Variants in UBQLN1 observed in about 807,000 individuals in gnomAD.
UBQLN1 encodes ubiquilin 1.
Under a neutral mutation model 65.4 loss-of-function variants are expected in UBQLN1, and 13 were observed. The ratio of observed to expected loss-of-function variants is 0.20; its 90% CI spans 0.13 to 0.32. UBQLN1 has a LOEUF of 0.32. Ranked by LOEUF, UBQLN1 falls within the 10% of genes least tolerant of loss-of-function variation. UBQLN1 has a pLI of 1.00. For synonymous variants in UBQLN1, 267 were observed against 247.8 expected, an observed-to-expected ratio of 1.08 and a Z score of -0.73; for missense variants, 561 against 724.0, an observed-to-expected ratio of 0.77 and a Z score of 2.58.
chr9:83,705,245 C>CTTTTTTTTTTTTTT (rs1564175219), intron 1 of UBQLN1, among the ~76,000 whole-genome samples: 1 of 40,044 alleles, frequency 2.5e-5, no homozygotes, highest in African/African-American at 2.1e-4. Context: ...AGCCAGCACT[C>CTTTTTTTTTTTTTT]CTTTTTTTTT....
In UBQLN1 at chr9:83,661,144, C is replaced by A. The variant is rs1831555728; in HGVS notation, c.*643G>T. The A allele has an allele frequency of 6.6e-6, 1 of 152,200 alleles. No individual in the cohort carries two copies. Among genetic ancestry groups the A allele is most frequent in the South Asian group, 2.1e-4 (1 of 4,826 alleles). 9.4% of individuals were successfully genotyped at this position (152,200 alleles called of 1,614,324 possible). A position where few individuals can be genotyped will look rare whatever the true frequency, so the allele number is the denominator to read the frequency against. On this transcript the variant is annotated 3_prime_UTR_variant, in exon 11 of 11. Transcript: ENST00000376395. ...CAAACCTGACTAACCGGCACTTTTG[C>A]TGGGAGATGTTTGTCAAAGATGCTG...
chr9:83,683,256 CA>C (rs1300645869), intron 2 of UBQLN1, among the ~76,000 whole-genome samples, 190 bp from the exon 3 acceptor site: 2 of 151,956 alleles, frequency 1.3e-5, no homozygotes, highest in African/African-American at 4.8e-5. Flanking sequence ...ACTAAACATA[CA>C]AAAAATTAGC....
chr9:83,679,058 C>T (rs1232786402), intron 4 of UBQLN1, among the ~76,000 whole-genome samples: 3 of 152,150 alleles, frequency 2.0e-5, no homozygotes, highest in Non-Finnish European at 4.4e-5. Context: ...CTGCACTATG[C>T]CCCAGCAGAC....
chr9:83,686,552 G>A (rs1832043243), intron 1 of UBQLN1, among the ~76,000 whole-genome samples: 1 of 152,084 alleles, frequency 6.6e-6, no homozygotes, highest in East Asian at 1.9e-4. Context: ...CCTCTGCTAA[G>A]GCCTAACAAT....
chr9:83,674,450 T>C (rs780060525), intron 6 of UBQLN1, among the ~76,000 whole-genome samples: 3 of 152,316 alleles, frequency 2.0e-5, no homozygotes, highest in African/African-American at 4.8e-5. Context: ...TATCTCATCA[T>C]AGCCACTTTT....
In UBQLN1 at chr9:83,678,617, A is replaced by C. The variant is rs113354995; in HGVS notation, c.712-18T>G. On this transcript the variant is annotated intron_variant, in intron 4 of 10. Transcript: ENST00000376395. The stretch of plus-strand genomic sequence containing the variant: ...TCCAACGTCTACGAAAAATATTTCC[A>C]AAAAAAGAAAAAAAAAAGGCATTGA... 6.3e-7 allele frequency: 1 copy of C among 1,582,186 alleles called. No homozygotes were observed. Among genetic ancestry groups the C allele is most frequent in the Non-Finnish European group, 8.5e-7 (1 of 1,170,074 alleles).
intron 7 of UBQLN1, chr9:83,668,005 T>C (rs988185580): frequency 2.0e-6 from 2 of 985,400 alleles, no homozygotes; most frequent in Non-Finnish European, 2.4e-6. Context: ...CTTGTTAAAG[T>C]CAAATTTTAA....
intron 6 of UBQLN1, among the ~76,000 whole-genome samples, chr9:83,675,668 G>C (rs1831820264): frequency 6.6e-6 from 1 of 152,212 alleles, no homozygotes; most frequent in African/African-American, 2.4e-5. Flanking sequence ...GTAATGGCAT[G>C]TTAAAAACAA....
At chr9:83,707,198 G>A (rs975320539) in intron 1 of UBQLN1, among the ~76,000 whole-genome samples, 3 of 152,130 alleles carry the variant, frequency 2.0e-5, no homozygotes, top group African/African-American at 4.8e-5. Context: ...GAGTTGGAGG[G>A]GAGGCGACGG....
chr9:83,699,169 T>C (rs1475069377), intron 1 of UBQLN1, among the ~76,000 whole-genome samples: 1 of 152,184 alleles, frequency 6.6e-6, no homozygotes, highest in Non-Finnish European at 1.5e-5. Flanking sequence ...TGGAAACGGA[T>C]GGTGGTAACA....
Position 83,660,814 on chromosome 9 carries a change from C to A in UBQLN1, c.*973G>T, listed in dbSNP as rs551015768. ...GCCTGTGCATGAGAAAACAGATAAACCCAAAAGATAGTTCTATTTTTTTAT... is the reference window on the plus strand; with the variant it reads ...GCCTGTGCATGAGAAAACAGATAAAACCAAAAGATAGTTCTATTTTTTTAT... On this transcript the variant is annotated 3_prime_UTR_variant, in exon 11 of 11. Coordinates refer to ENST00000376395, the MANE Select transcript of UBQLN1 (RefSeq NM_013438.5). The A allele has an allele frequency of 1.3e-5, 2 of 152,656 alleles. No individual in the cohort carries two copies. Among genetic ancestry groups the A allele is most frequent in the East Asian group, 3.9e-4 (2 of 5,192 alleles). 9.5% of individuals were successfully genotyped at this position (152,656 alleles called of 1,614,324 possible). A position where few individuals can be genotyped will look rare whatever the true frequency, so the allele number is the denominator to read the frequency against.
At chr9:83,663,740 TAA>T in intron 10 of UBQLN1, 133 bp downstream of exon 10, 1 of 977,292 alleles carries the variant, frequency 1.0e-6, no homozygotes, top group South Asian at 1.9e-5. Context: ...TCAATATCCT[TAA>T]GACTGTATTT....
intron 1 of UBQLN1, among the ~76,000 whole-genome samples, chr9:83,696,553 C>T (rs1024878134): frequency 1.3e-5 from 2 of 151,854 alleles, no homozygotes; most frequent in African/African-American, 2.4e-5. Context: ...GTGGGAGAAT[C>T]GCTTGAGCCC....
intron 6 of UBQLN1, among the ~76,000 whole-genome samples, chr9:83,674,532 A>C (rs1290071156): frequency 6.6e-6 from 1 of 152,246 alleles, no homozygotes; most frequent in Non-Finnish European, 1.5e-5. Flanking sequence ...AGCCAAAGGA[A>C]GCCAAGTACT....
chr9:83,702,602 A>G (rs188213444), intron 1 of UBQLN1, among the ~76,000 whole-genome samples: 2 of 152,364 alleles, frequency 1.3e-5, no homozygotes, highest in East Asian at 3.9e-4. Flanking sequence ...CACGATCTGC[A>G]AAATACTATT....
At chr9:83,672,733 G>A (rs528271915) in intron 6 of UBQLN1, among the ~76,000 whole-genome samples, 83 of 152,308 alleles carry the variant, frequency 5.4e-4, no homozygotes, top group African/African-American at 1.9e-3. Flanking sequence ...GACATGAAGT[G>A]GGCACATGCT....
rs763997457 is a variant in UBQLN1 at position 83,686,127 on chromosome 9, T to A, written c.209A>T (p.Lys70Ile). 16 of 1,583,946 alleles carry A rather than the reference T, an allele frequency of 1.0e-5. No individual in the cohort carries two copies. In the African/African-American group the frequency reaches 2.1e-4, roughly 20 times the overall value. ...CAACACAAGTTGGTCAGTATGTGAT[T>A]TAAAACGTTTAGAGATTTCTTCCTT... is the stretch of plus-strand genomic sequence containing the variant. ...QFKEEISKRF[K>I]SHTDQLVLIF... The change falls in exon 2 of 11, where the codon AAA (lysine) becomes ATA (isoleucine). Residue 70 changes from lysine to isoleucine, a missense_variant. Coordinates refer to ENST00000376395, the MANE Select transcript of UBQLN1 (RefSeq NM_013438.5).
chr9:83,676,644 G>T (rs929432177), intron 6 of UBQLN1, among the ~76,000 whole-genome samples: 1 of 152,118 alleles, frequency 6.6e-6, no homozygotes, highest in Admixed American at 6.6e-5. Flanking sequence ...TATATCAACT[G>T]TGATCATTAA....
Position 83,664,020 on chromosome 9 carries a change from A to G in UBQLN1, c.1472T>C (p.Leu491Ser), listed in dbSNP as rs762110289. ...TCCCGAAGAGCCTCCAGTGCTTCCT[A>G]ATGCCCCCAAGCCAGGAGTAAACCT... ...IPGFTPGLGA[L>S]GSTGGSSGTN... The change falls in exon 10 of 11, where the codon TTA (leucine) becomes TCA (serine). Residue 491 changes from leucine to serine, a missense_variant. Coordinates refer to ENST00000376395, the MANE Select transcript of UBQLN1 (RefSeq NM_013438.5). 2.5e-6 allele frequency: 4 copies of G among 1,613,886 alleles called. No individual in the cohort carries two copies. In the African/African-American group the frequency reaches 5.3e-5, roughly 22 times the overall value.
Sources: allele counts gnomAD v4.1 joint callset (sites outside exome capture counted in the v4.1 genomes callset), GRCh38; gene constraint gnomAD v4.1.1; transcripts MANE v1.5; gene names NCBI Gene and HGNC (gene_info 2026-07-23, HGNC 2026-07-21).